Variants in ATXN8OS observed in about 807,000 individuals in gnomAD.
ATXN8OS encodes ATXN8 opposite strand (non-protein coding).
chr13:70,120,420 T>G (rs79140589), intron 2 of ATXN8OS, among the ~76,000 whole-genome samples: 1,715 of 152,228 alleles, frequency 0.011, 15 homozygotes, highest in Non-Finnish European at 0.018. Context: ...TAGACAGAGT[T>G]AAATTTTTAA....
intron 2 of ATXN8OS, chr13:70,129,738 T>G (rs1424566342): frequency 2.5e-6 from 1 of 398,234 alleles, no homozygotes; most frequent in African/African-American, 2.1e-5. Context: ...TCTAAGTGTC[T>G]CCTTATGTTT....
chr13:70,147,156 T>C (rs1780903684), intron 3 of ATXN8OS, among the ~76,000 whole-genome samples: 2 of 152,140 alleles, frequency 1.3e-5, no homozygotes, highest in African/African-American at 4.8e-5. Flanking sequence ...GACAATGAAT[T>C]ATATAAAGAT....
intron 3 of ATXN8OS, chr13:70,130,815 A>G (rs138316065): frequency 2.2e-4 from 86 of 398,566 alleles, no homozygotes; most frequent in African/African-American, 1.2e-3. Context: ...TGGGACCCCA[A>G]TGACCAGGGA....
At chr13:70,123,271 G>A (rs1439201843) in intron 2 of ATXN8OS, among the ~76,000 whole-genome samples, 2 of 151,974 alleles carry the variant, frequency 1.3e-5, no homozygotes, top group Non-Finnish European at 2.9e-5. Flanking sequence ...GAATAATTGT[G>A]CATCTTAACA....
intron 4 of ATXN8OS, among the ~76,000 whole-genome samples, chr13:70,152,337 C>T (rs1289728092): frequency 1.7e-5 from 2 of 118,628 alleles, no homozygotes; most frequent in African/African-American, 2.9e-5. Flanking sequence ...CCCAGCTGTA[C>T]ACTCTGTACC....
At chr13:70,141,320 C>A (rs1054481627) in intron 3 of ATXN8OS, among the ~76,000 whole-genome samples, 1 of 152,184 alleles carries the variant, frequency 6.6e-6, no homozygotes, top group Non-Finnish European at 1.5e-5. Context: ...CACCTCCTTA[C>A]ATATTGCACA....
chr13:70,107,669 C>T (rs756483048), upstream of ATXN8OS: 1 of 1,534,290 alleles, frequency 6.5e-7, no homozygotes, highest in Non-Finnish European at 8.7e-7. Context: ...ATGTGCTTCA[C>T]ATCGAAGTCT....
chr13:70,133,499 C>A (rs1011399445), intron 3 of ATXN8OS, among the ~76,000 whole-genome samples: 25 of 152,258 alleles, frequency 1.6e-4, no homozygotes, highest in African/African-American at 5.5e-4. Context: ...CACAAAGATA[C>A]GTTTAATTCC....
chr13:70,149,104 G>A (rs1888827847), intron 4 of ATXN8OS, among the ~76,000 whole-genome samples: 1 of 152,088 alleles, frequency 6.6e-6, no homozygotes, highest in Non-Finnish European at 1.5e-5. Context: ...ATGCCACTGT[G>A]TGAACATTTT....
At chr13:70,125,872 G>C (rs889368722) in intron 2 of ATXN8OS, among the ~76,000 whole-genome samples, 1 of 152,070 alleles carries the variant, frequency 6.6e-6, no homozygotes, top group East Asian at 1.9e-4. Context: ...TACCTGCTCT[G>C]CTTCTCTTAC....
intron 4 of ATXN8OS, among the ~76,000 whole-genome samples, chr13:70,153,089 G>C (rs903304673): frequency 6.6e-6 from 1 of 151,244 alleles, no homozygotes; most frequent in Admixed American, 6.6e-5. Context: ...GCATAACAGA[G>C]ATGTAGACCG....
intron 2 of ATXN8OS, among the ~76,000 whole-genome samples, chr13:70,115,827 G>A (rs1888271495): frequency 1.3e-5 from 2 of 151,906 alleles, no homozygotes; most frequent in African/African-American, 2.4e-5. Flanking sequence ...AAAACAAATA[G>A]AATTATAAAA....
chr13:70,131,237 CAATT>C (rs72284461), intron 3 of ATXN8OS: 208,430 of 397,872 alleles, frequency 0.52, 54,983 homozygotes, highest in African/African-American at 0.63. Context: ...AATATTTGTA[CAATT>C]AATTTACTTC....
intron 4 of ATXN8OS, among the ~76,000 whole-genome samples, chr13:70,164,555 A>C (rs1254339112): frequency 6.6e-6 from 1 of 152,088 alleles, no homozygotes; most frequent in Non-Finnish European, 1.5e-5. Context: ...GAGGAAAGAC[A>C]CATGCAGCTA....
At chr13:70,169,756 A>G (rs1199876009) in exon 5 of ATXN8OS, among the ~76,000 whole-genome samples, 1 of 152,062 alleles carries the variant, frequency 6.6e-6, no homozygotes, top group Non-Finnish European at 1.5e-5. Flanking sequence ...GTGATAGGAC[A>G]ATGTCTTCCC....
chr13:70,131,781 T>G (rs138756413), intron 3 of ATXN8OS, among the ~76,000 whole-genome samples: 3 of 152,274 alleles, frequency 2.0e-5, no homozygotes, highest in Non-Finnish European at 4.4e-5. Flanking sequence ...TTTATTTAAT[T>G]TCCTCTCACT....
chr13:70,123,842 CAGAATATATAA>C (rs746523538), intron 2 of ATXN8OS, among the ~76,000 whole-genome samples: 1 of 151,984 alleles, frequency 6.6e-6, no homozygotes, highest in Non-Finnish European at 1.5e-5. Context: ...TATTTAAGAT[CAGAATATATAA>C]AGAATATATA....
chr13:70,136,282 A>C (rs577024707), intron 3 of ATXN8OS, among the ~76,000 whole-genome samples: 1 of 152,162 alleles, frequency 6.6e-6, no homozygotes, highest in Non-Finnish European at 1.5e-5. Flanking sequence ...ATAGCAACTC[A>C]AAGTACAGGG....
At chr13:70,122,892 A>G (rs1888381723) in intron 2 of ATXN8OS, among the ~76,000 whole-genome samples, 1 of 152,108 alleles carries the variant, frequency 6.6e-6, no homozygotes, top group South Asian at 2.1e-4. Context: ...CTGGATTTTA[A>G]TTCCAGCTCT....
Sources: gnomAD v4.1 joint callset for allele counts (sites outside exome capture counted in the v4.1 genomes callset) on GRCh38, gnomAD v4.1.1 for gene constraint, MANE v1.5 for transcripts, NCBI Gene and HGNC (gene_info 2026-07-23, HGNC 2026-07-21) for gene names.